TLR5: variants seen among roughly 807,000 people sequenced by gnomAD.
TLR5 encodes the protein toll like receptor 5, also known as toll-like receptor 5.
For synonymous variants in TLR5, 373 were observed against 384.4 expected, an observed-to-expected ratio of 0.97 and a Z score of 0.35; for missense variants, 944 against 999.8, an observed-to-expected ratio of 0.94 and a Z score of 0.75.
At chr1:223,138,292 T>G (rs933169454) in intron 2 of TLR5, among the ~76,000 whole-genome samples, 2 of 151,388 alleles carry the variant, frequency 1.3e-5, no homozygotes, top group African/African-American at 2.4e-5. Flanking sequence ...GGTTTTGTTT[T>G]GTTTTGTTTT....
chr1:223,110,249 G>C lies in TLR5; in HGVS notation c.*206C>G, dbSNP rs1367058950. 5.0e-6 allele frequency: 3 copies of C among 605,924 alleles called. No homozygotes were observed. In the African/African-American group the frequency reaches 5.6e-5, roughly 11 times the overall value. 37.5% of individuals were successfully genotyped at this position (605,924 alleles called of 1,614,324 possible). Reference sequence around the variant, plus strand: ...AGACTGGAAACCTCTAAGGGCAGTTGCAATTTTCTAGATCTATTATTTTCC... The same window carrying C: ...AGACTGGAAACCTCTAAGGGCAGTTCCAATTTTCTAGATCTATTATTTTCC... On this transcript the variant is annotated 3_prime_UTR_variant, in exon 6 of 6. Coordinates refer to ENST00000642603, the MANE Select transcript of TLR5 (RefSeq NM_003268.6).
intron 5 of TLR5, among the ~76,000 whole-genome samples, chr1:223,124,934 T>C (rs1657107958): frequency 6.6e-6 from 1 of 152,040 alleles, no homozygotes; most frequent in Admixed American, 6.6e-5. Context: ...GGAAGAAGGG[T>C]TGTTTGATAT....
At position 223,131,733 on chromosome 1, in the gene TLR5, TTTG is replaced by T. The variant is rs371091620; in HGVS notation, c.-5+739_-5+741del. On this transcript the variant is annotated intron_variant, in intron 5 of 5. Transcript: ENST00000642603. The surrounding 1 kb of genome is among the most constrained non-coding windows in gnomAD (Gnocchi z 4.2). ...CTTGTACCACCATGCCCAGCTAATT[TTTG>T]TTGTTGTTGTTGTTGTTTTTGTTTT... 2.6e-5 allele frequency among the ~76,000 whole-genome samples: 4 copies of T among 151,852 alleles called. No individual in the cohort carries two copies. Among genetic ancestry groups the T allele is most frequent in the South Asian group, 2.1e-4 (1 of 4,806 alleles).
chr1:223,139,562 G>T (rs1032937413), intron 2 of TLR5, among the ~76,000 whole-genome samples: 3 of 152,184 alleles, frequency 2.0e-5, no homozygotes, highest in Middle Eastern at 3.2e-3. Context: ...GGCCAAGGCT[G>T]CCAAACAGCA....
chr1:223,141,850 GAGAGAGAA>G (rs1273992460), intron 1 of TLR5, 87 bp from the exon 2 acceptor site: 4 of 142,510 alleles, frequency 2.8e-5, no homozygotes, highest in East Asian at 2.1e-4. Context: ...GAGAGAGAGA[GAGAGAGAA>G]AGAGAGAGAG....
At chr1:223,120,909 C>T (rs976568311) in intron 5 of TLR5, among the ~76,000 whole-genome samples, 4 of 152,114 alleles carry the variant, frequency 2.6e-5, no homozygotes, top group Non-Finnish European at 4.4e-5. Context: ...TGGCAAAAAC[C>T]CATATCTACC....
intron 4 of TLR5, among the ~76,000 whole-genome samples, chr1:223,134,060 T>C (rs1657506904): frequency 6.6e-6 from 1 of 152,148 alleles, no homozygotes; most frequent in Non-Finnish European, 1.5e-5. Context: ...TGTGTGAGCT[T>C]GGGCGAGTGC....
chr1:223,110,674 A>G lies in TLR5; in HGVS notation c.2358T>C (p.Ala786=), dbSNP rs2102855803. ...AGGACCCAACCACCACCATGATGAG[A>G]GCACTGTTAAGGTCAGATAAGCACC... The part of the protein sequence containing the change: ...QGRCLSDLNS[A]LIMVVVGSLS... The change falls in exon 6 of 6, where the codon GCT becomes GCC. Residue 786 remains alanine, a synonymous_variant. Transcript: ENST00000642603. The G allele has an allele frequency of 5.0e-6, 8 of 1,614,174 alleles. No individual in the cohort carries two copies. In the East Asian group the frequency reaches 1.8e-4, roughly 36 times the overall value.
Position 223,110,382 on chromosome 1 carries a change from A to AATG in TLR5, c.*70_*72dup. ...AAAAAACCTCCAGAGAGGACCCCAA[A>AATG]ATGATAACTTGGTGCAAATACAAAG... On this transcript the variant is annotated 3_prime_UTR_variant, in exon 6 of 6. Transcript: ENST00000642603. 1 of 1,561,838 alleles carries AATG rather than the reference A, an allele frequency of 6.4e-7. No individual in the cohort carries two copies. Among genetic ancestry groups the AATG allele is most frequent in the Non-Finnish European group, 8.8e-7 (1 of 1,139,078 alleles).
At chr1:223,138,331 C>T (rs1657700855) in intron 2 of TLR5, among the ~76,000 whole-genome samples, 1 of 151,974 alleles carries the variant, frequency 6.6e-6, no homozygotes. Context: ...CAGCTTTGGC[C>T]ACCTATTTCT....
intron 5 of TLR5, among the ~76,000 whole-genome samples, chr1:223,119,855 C>T (rs938102866): frequency 6.7e-6 from 1 of 150,352 alleles, no homozygotes; most frequent in African/African-American, 2.5e-5. Context: ...GAGGTTGAAG[C>T]ATGAGAATCA....
chr1:223,118,300 A>T (rs1656778655), intron 5 of TLR5, among the ~76,000 whole-genome samples: 1 of 151,898 alleles, frequency 6.6e-6, no homozygotes, highest in East Asian at 1.9e-4. Flanking sequence ...CAATCCCAGC[A>T]CTTTTGGAGG....
At chr1:223,116,998 C>A (rs543168827) in intron 5 of TLR5, among the ~76,000 whole-genome samples, 1 of 152,144 alleles carries the variant, frequency 6.6e-6, no homozygotes, top group South Asian at 2.1e-4. Context: ...TGGGACCGGG[C>A]GCCGTGGAGC....
chr1:223,135,467 A>C (rs921205274), intron 3 of TLR5, among the ~76,000 whole-genome samples: 1 of 152,184 alleles, frequency 6.6e-6, no homozygotes, highest in East Asian at 1.9e-4. Context: ...CTTTCGAGAT[A>C]CATGAGACCA....
At chr1:223,129,250 C>G (rs1045417543) in intron 5 of TLR5, 3 of 152,308 alleles carry the variant, frequency 2.0e-5, no homozygotes, top group African/African-American at 7.2e-5. Context: ...AGAAACCATG[C>G]GCCAGGCACA....
rs372392516 is a variant in TLR5 at position 223,112,029 on chromosome 1, G to A, written c.1003C>T (p.Leu335Phe). Reference sequence around the variant, plus strand: ...AAATTGAGAACTTGGAGGTTGTCAAGTCCGTAAAATGCTTCATCTGCAATC... The same window carrying A: ...AAATTGAGAACTTGGAGGTTGTCAAATCCGTAAAATGCTTCATCTGCAATC... ...NKIADEAFYG[L>F]DNLQVLNLSY... Residue 335 changes from leucine to phenylalanine, a missense_variant, in exon 6 of 6, where the codon CTT (leucine) becomes TTT (phenylalanine). Coordinates refer to ENST00000642603, the MANE Select transcript of TLR5 (RefSeq NM_003268.6). 9.3e-6 allele frequency: 15 copies of A among 1,614,068 alleles called. No homozygotes were observed. In the African/African-American group the frequency reaches 1.9e-4, roughly 20 times the overall value.
chr1:223,114,195 G>A (rs1242941577), intron 5 of TLR5, among the ~76,000 whole-genome samples: 2 of 152,174 alleles, frequency 1.3e-5, no homozygotes, highest in African/African-American at 4.8e-5. Flanking sequence ...CCATCTGTCT[G>A]GGTTGAGTGT....
chr1:223,112,414 A>G lies in TLR5; in HGVS notation c.618T>C (p.Asn206=), dbSNP rs759419633. The G allele has an allele frequency of 1.2e-6, 2 of 1,614,244 alleles. No homozygotes were observed. Among genetic ancestry groups the G allele is most frequent in the East Asian group, 2.2e-5 (1 of 44,886 alleles). Residue 206 remains asparagine, a synonymous_variant, in exon 6 of 6, where the codon AAT becomes AAC. Coordinates refer to ENST00000642603, the MANE Select transcript of TLR5 (RefSeq NM_003268.6). ...KTLSFFSLAA[N]SLYSRVSVDW... is the part of the protein sequence containing the mutation. ...CCACTGAGACTCTGCTATACAAGCT[A>G]TTAGCTGCGAGGCTAAAAAAGGAGA...
rs1414438831 is a variant in TLR5 at position 223,131,597 on chromosome 1, T to C, written c.-5+878A>G. On this transcript the variant is annotated intron_variant, in intron 5 of 5. Transcript: ENST00000642603. The surrounding 1 kb of genome is among the most constrained non-coding windows in gnomAD (Gnocchi z 4.2). ...TTTTTGTTTTGCGGCAAGATCTCGC[T>C]CTGTTACCCAGGCTAGAGTGCAGTG... 6.6e-6 allele frequency among the ~76,000 whole-genome samples: 1 copy of C among 152,180 alleles called. No homozygotes were observed. The highest frequency in any genetic ancestry group is 1.5e-5 in the Non-Finnish European group (1 of 68,036).
Sources: allele counts gnomAD v4.1 joint callset (sites outside exome capture counted in the v4.1 genomes callset), GRCh38; gene constraint gnomAD v4.1.1; non-coding constraint Gnocchi (gnomAD v3.1); transcripts MANE v1.5; gene names NCBI Gene and HGNC (gene_info 2026-07-23, HGNC 2026-07-21).